P3H2: variants seen among roughly 807,000 people sequenced by gnomAD.
P3H2 encodes the protein prolyl 3-hydroxylase 2, also known as leprecan-like 1.
Under a neutral mutation model 87.0 loss-of-function variants are expected in P3H2, and 80 were observed. That is an observed-to-expected ratio of 0.92 (90% CI 0.77 to 1.11). The LOEUF is 1.11. Among genes scored for constraint, P3H2 ranks in the 50% least tolerant of loss-of-function variants. The probability of loss-of-function intolerance (pLI) is 0.00; values close to 1 mark genes in which losing one functional copy is unlikely to be tolerated. For missense variants in P3H2, 1,001 were observed against 923.9 expected (o/e 1.08, Z -1.08); for synonymous variants, 367 against 359.3 (o/e 1.02, Z -0.24).
At chr3:190,031,143 A>C (rs529208983) in intron 1 of P3H2, among the ~76,000 whole-genome samples, 50 of 152,340 alleles carry the variant, frequency 3.3e-4, no homozygotes, top group Non-Finnish European at 6.6e-4. Context: ...AAATGCTCTA[A>C]AATAAACATA....
intron 1 of P3H2, among the ~76,000 whole-genome samples, chr3:190,086,565 G>A (rs1727217302): frequency 6.6e-6 from 1 of 152,146 alleles, no homozygotes; most frequent in South Asian, 2.1e-4. Context: ...ATAGGCGTGA[G>A]GTTCTGTGTT....
At chr3:190,072,308 T>G (rs1306184600) in intron 1 of P3H2, among the ~76,000 whole-genome samples, 1 of 152,202 alleles carries the variant, frequency 6.6e-6, no homozygotes, top group Non-Finnish European at 1.5e-5. Context: ...ATTACAGGCA[T>G]GAGCCACCAT....
At chr3:189,983,287 G>A (rs994213553) in intron 7 of P3H2, 147 bp from the exon 8 acceptor site, 72 of 638,950 alleles carry the variant, frequency 1.1e-4, no homozygotes, top group Admixed American at 8.0e-4. Flanking sequence ...CAAATTAAAT[G>A]TCACTGCCTC....
In P3H2 at chr3:189,987,493, A is replaced by G. The variant is rs767882453; in HGVS notation, c.1098+34T>C. 1.3e-5 allele frequency: 21 copies of G among 1,601,562 alleles called. 1 individual carries two copies. Among genetic ancestry groups the G allele is most frequent in the Non-Finnish European group, 6.8e-6 (8 of 1,173,406 alleles). ...AAACTCTGTCTTAAAAAAAAAAAAA[A>G]AAAAAGAATTTCTTTTCAAAACATT... On this transcript the variant is annotated intron_variant, in intron 5 of 14. Coordinates refer to ENST00000319332, the MANE Select transcript of P3H2 (RefSeq NM_018192.4).
At chr3:190,032,639 A>C (rs977882606) in intron 1 of P3H2, among the ~76,000 whole-genome samples, 2 of 152,178 alleles carry the variant, frequency 1.3e-5, no homozygotes, top group African/African-American at 4.8e-5. Context: ...GATTTGTAAG[A>C]TTAGAATTTG....
intron 1 of P3H2, among the ~76,000 whole-genome samples, chr3:190,010,999 G>C (rs1185842480): frequency 6.6e-6 from 1 of 152,082 alleles, no homozygotes; most frequent in African/African-American, 2.4e-5. Context: ...AACAGAATGG[G>C]AAACAAAGTT....
At chr3:190,105,461 G>C (rs1338121938) in intron 1 of P3H2, among the ~76,000 whole-genome samples, 1 of 152,024 alleles carries the variant, frequency 6.6e-6, no homozygotes, top group Non-Finnish European at 1.5e-5. Context: ...ATATGGTTTT[G>C]AGCCTTTTAT....
At chr3:189,963,061 T>C (rs1486942698) in intron 14 of P3H2, among the ~76,000 whole-genome samples, 1 of 152,160 alleles carries the variant, frequency 6.6e-6, no homozygotes, top group African/African-American at 2.4e-5. Flanking sequence ...AAGCAGACAA[T>C]TCTGCCAAAC....
intron 1 of P3H2, among the ~76,000 whole-genome samples, chr3:190,098,865 G>A (rs1025418448): frequency 4.5e-4 from 69 of 152,006 alleles, no homozygotes; most frequent in Non-Finnish European, 1.6e-4. Context: ...CATTCTTAAG[G>A]TCATACAAGC....
intron 1 of P3H2, among the ~76,000 whole-genome samples, chr3:190,065,688 G>A (rs1018064042): frequency 2.0e-5 from 3 of 151,998 alleles, no homozygotes; most frequent in Non-Finnish European, 2.9e-5. Context: ...TGTCCTACAC[G>A]TATTTGGTCA....
intron 1 of P3H2, among the ~76,000 whole-genome samples, chr3:190,093,224 G>C (rs1727471115): frequency 6.6e-6 from 1 of 152,232 alleles, no homozygotes; most frequent in African/African-American, 2.4e-5. Flanking sequence ...AGACGGCAGA[G>C]ACATAGCTCT....
At chr3:189,959,318 A>G (rs972271221) in intron 14 of P3H2, among the ~76,000 whole-genome samples, 3 of 150,872 alleles carry the variant, frequency 2.0e-5, no homozygotes, top group East Asian at 2.0e-4. Flanking sequence ...GGTTAGTTAC[A>G]TATGTATACA....
intron 10 of P3H2, 67 bp downstream of exon 10, chr3:189,973,842 T>G: frequency 2.5e-6 from 3 of 1,212,398 alleles, no homozygotes; most frequent in Non-Finnish European, 3.7e-6. Flanking sequence ...CTTTCTTATA[T>G]CTGCCATTTA....
intron 1 of P3H2, among the ~76,000 whole-genome samples, chr3:190,062,932 G>C (rs915031055): frequency 1.3e-5 from 2 of 152,130 alleles, no homozygotes; most frequent in Admixed American, 1.3e-4. Flanking sequence ...AGAATGTGGA[G>C]CAGGCAGTAG....
chr3:190,001,252 G>A (rs528925015), intron 1 of P3H2, among the ~76,000 whole-genome samples: 55 of 152,288 alleles, frequency 3.6e-4, no homozygotes, highest in African/African-American at 1.3e-3. Context: ...GTGCAACAAA[G>A]AAAAGGGGCT....
intron 1 of P3H2, among the ~76,000 whole-genome samples, chr3:190,119,045 C>T (rs866783411): frequency 4.6e-5 from 7 of 150,604 alleles, no homozygotes; most frequent in Non-Finnish European, 7.4e-5. Flanking sequence ...GCGGAGGTTG[C>T]AGTGAGCCCA....
intron 1 of P3H2, among the ~76,000 whole-genome samples, chr3:190,007,759 G>A (rs1382543681): frequency 1.3e-5 from 2 of 151,104 alleles, no homozygotes; most frequent in Non-Finnish European, 2.9e-5. Flanking sequence ...CAAAGGGTAT[G>A]ATGAACTGTA....
chr3:190,072,021 G>A (rs1442489594), intron 1 of P3H2, among the ~76,000 whole-genome samples: 2 of 104,346 alleles, frequency 1.9e-5, no homozygotes, highest in South Asian at 6.1e-4. Context: ...CGCTCTTGTT[G>A]CCCCGGCTGG....
At chr3:190,120,133 C>T in intron 1 of P3H2, 119 bp downstream of exon 1, 1 of 1,154,798 alleles carries the variant, frequency 8.7e-7, no homozygotes, top group Non-Finnish European at 1.2e-6. Flanking sequence ...AACTGAGACA[C>T]ATATTTAAGG....
Sources: gnomAD v4.1 joint callset for allele counts (sites outside exome capture counted in the v4.1 genomes callset) on GRCh38, gnomAD v4.1.1 for gene constraint, MANE v1.5 for transcripts, NCBI Gene and HGNC (gene_info 2026-07-23, HGNC 2026-07-21) for gene names.